EHBP1: variants seen among roughly 807,000 people sequenced by gnomAD.
EHBP1 encodes EH domain-binding protein 1.
EHBP1 carries 55 observed loss-of-function variants against 144.0 expected under a neutral mutation model. That is an observed-to-expected ratio of 0.38 (90% CI 0.31 to 0.48). EHBP1 has a LOEUF of 0.48. Among genes scored for constraint, EHBP1 ranks in the 20% least tolerant of loss-of-function variants. The pLI is 0.98. For synonymous variants in EHBP1, 469 were observed against 472.7 expected (o/e 0.99, Z 0.10); for missense variants, 1,200 against 1,364.2 (o/e 0.88, Z 1.90).
At chr2:62,982,068 T>A (rs1158582979) in intron 15 of EHBP1, among the ~76,000 whole-genome samples, 1 of 152,186 alleles carries the variant, frequency 6.6e-6, no homozygotes, top group African/African-American at 2.4e-5. Context: ...GGATACGGAA[T>A]AGACTAGGTC....
intron 7 of EHBP1, among the ~76,000 whole-genome samples, chr2:62,857,096 T>C (rs1285469607): frequency 1.3e-5 from 2 of 152,206 alleles, no homozygotes; most frequent in Admixed American, 6.5e-5. Context: ...TTCTTCCCTA[T>C]AGGCTCCAGA....
intron 10 of EHBP1, among the ~76,000 whole-genome samples, chr2:62,877,776 A>C (rs1368850847): frequency 6.6e-6 from 1 of 152,232 alleles, no homozygotes; most frequent in African/African-American, 2.4e-5. Context: ...AAATTCTTTG[A>C]AACAAATGAA....
At chr2:62,918,381 T>G (rs886840526) in intron 10 of EHBP1, among the ~76,000 whole-genome samples, 7 of 152,138 alleles carry the variant, frequency 4.6e-5, no homozygotes, top group Non-Finnish European at 1.0e-4. Context: ...TTTGCATATT[T>G]TATTTGCTGT....
chr2:62,779,345 G>A (rs1430773212), intron 5 of EHBP1, among the ~76,000 whole-genome samples: 1 of 152,084 alleles, frequency 6.6e-6, no homozygotes, highest in African/African-American at 2.4e-5. Context: ...GTATTTGTTA[G>A]TATTATATAC....
chr2:62,958,491 C>T (rs2057833575), intron 14 of EHBP1, among the ~76,000 whole-genome samples: 1 of 152,152 alleles, frequency 6.6e-6, no homozygotes, highest in South Asian at 2.1e-4. Context: ...TGAAATTCTA[C>T]AACAGGCAAA....
At chr2:62,865,861 TG>T (rs1040840008) in intron 9 of EHBP1, among the ~76,000 whole-genome samples, 1 of 152,124 alleles carries the variant, frequency 6.6e-6, no homozygotes, top group Non-Finnish European at 1.5e-5. Flanking sequence ...AGTTTGGACT[TG>T]GGAGTACTGA....
At chr2:62,942,188 A>G (rs1339857228) in intron 10 of EHBP1, among the ~76,000 whole-genome samples, 3 of 152,190 alleles carry the variant, frequency 2.0e-5, no homozygotes, top group Admixed American at 2.0e-4. Flanking sequence ...TTAAATTTAT[A>G]TAAGAAGCAT....
intron 5 of EHBP1, among the ~76,000 whole-genome samples, chr2:62,781,395 T>C (rs1377105164): frequency 6.6e-6 from 1 of 152,238 alleles, no homozygotes; most frequent in African/African-American, 2.4e-5. Context: ...AATGAAGCTA[T>C]TCGTGGTATT....
intron 5 of EHBP1, among the ~76,000 whole-genome samples, chr2:62,779,802 A>C (rs887309913): frequency 2.6e-5 from 4 of 152,156 alleles, no homozygotes; most frequent in African/African-American, 9.7e-5. Flanking sequence ...TTTAGTTTCA[A>C]CTTAACTTTT....
chr2:62,844,620 A>T (rs1411512433), intron 7 of EHBP1, among the ~76,000 whole-genome samples: 4 of 152,176 alleles, frequency 2.6e-5, no homozygotes, highest in African/African-American at 9.6e-5. Context: ...ATTCATGTTG[A>T]ATTTCTGAAT....
chr2:62,954,396 T>C (rs993236129), intron 13 of EHBP1, among the ~76,000 whole-genome samples: 3 of 152,240 alleles, frequency 2.0e-5, no homozygotes, highest in Non-Finnish European at 1.5e-5. Flanking sequence ...TTATCACTTA[T>C]ACATTTTATT....
intron 5 of EHBP1, among the ~76,000 whole-genome samples, chr2:62,773,477 T>C (rs2152376187): frequency 6.6e-6 from 1 of 151,822 alleles, no homozygotes; most frequent in South Asian, 2.1e-4. Flanking sequence ...ACCTTTGGGG[T>C]AGTAGCTTCT....
At chr2:62,701,827 T>C (rs1158550127), upstream of EHBP1, among the ~76,000 whole-genome samples, 1 of 152,128 alleles carries the variant, frequency 6.6e-6, no homozygotes, top group East Asian at 1.9e-4. Flanking sequence ...CAGTTAAAAA[T>C]TGCAGTAATA....
At chr2:63,025,795 G>C (rs749293933) in intron 19 of EHBP1, among the ~76,000 whole-genome samples, 2 of 152,118 alleles carry the variant, frequency 1.3e-5, no homozygotes, top group African/African-American at 2.4e-5. Flanking sequence ...CTTAATCCTT[G>C]GGAATTTTAG....
chr2:62,825,951 G>T (rs1044871242), intron 5 of EHBP1, 136 bp from the exon 6 acceptor site: 90 of 550,068 alleles, frequency 1.6e-4, no homozygotes, highest in African/African-American at 1.6e-3. Flanking sequence ...ATTTTATTTA[G>T]TTATTGTGTG....
chr2:63,000,346 G>GA (rs2059798597), intron 19 of EHBP1, among the ~76,000 whole-genome samples: 1 of 151,690 alleles, frequency 6.6e-6, no homozygotes, highest in South Asian at 2.1e-4. Context: ...GTGATAGTTT[G>GA]AATACTGAGC....
At chr2:62,976,082 G>A (rs1287930940) in intron 14 of EHBP1, among the ~76,000 whole-genome samples, 1 of 152,054 alleles carries the variant, frequency 6.6e-6, no homozygotes, top group Non-Finnish European at 1.5e-5. Context: ...TAACAAATGA[G>A]TTTTATATCC....
chr2:62,695,780 A>C (rs1415133776), intron 1 of EHBP1, among the ~76,000 whole-genome samples: 1 of 151,850 alleles, frequency 6.6e-6, no homozygotes, highest in Non-Finnish European at 1.5e-5. Flanking sequence ...TGGTGCAGTC[A>C]CCACTTGCTG....
At chr2:62,914,848 C>G (rs1276777669) in intron 10 of EHBP1, among the ~76,000 whole-genome samples, 1 of 151,938 alleles carries the variant, frequency 6.6e-6, no homozygotes, top group East Asian at 1.9e-4. Context: ...ATCCCAATAT[C>G]ATAAAATCTG....
Sources: allele counts gnomAD v4.1 joint callset (sites outside exome capture counted in the v4.1 genomes callset), GRCh38; gene constraint gnomAD v4.1.1; transcripts MANE v1.5; gene names NCBI Gene and HGNC (gene_info 2026-07-23, HGNC 2026-07-21).